KCTD21: variants seen among roughly 807,000 people sequenced by gnomAD.
KCTD21 encodes the protein BTB/POZ domain-containing protein KCTD21.
KCTD21 carries 9 observed loss-of-function variants against 13.2 expected under a neutral mutation model. That is an observed-to-expected ratio of 0.68 (90% CI 0.41 to 1.19). The LOEUF (loss-of-function observed/expected upper bound fraction) is 1.19. Ranked by LOEUF, KCTD21 falls within the 50% of genes most tolerant of loss-of-function variation. The pLI is 0.01. For synonymous variants in KCTD21, 142 were observed against 137.4 expected, an observed-to-expected ratio of 1.03 and a Z score of -0.23; for missense variants, 303 against 336.5, an observed-to-expected ratio of 0.90 and a Z score of 0.78.
At chr11:78,183,416 A>G (rs1862686083) in intron 1 of KCTD21, among the ~76,000 whole-genome samples, 1 of 151,754 alleles carries the variant, frequency 6.6e-6, no homozygotes, top group African/African-American at 2.4e-5. Context: ...TGCGCCTGTT[A>G]TTCCAGCTAC....
rs1862280406 is a variant in KCTD21 at position 78,171,531 on chromosome 11, T to G, written c.*2241A>C. On this transcript the variant is annotated 3_prime_UTR_variant, in exon 2 of 2. Coordinates refer to ENST00000340067, the MANE Select transcript of KCTD21 (RefSeq NM_001029859.3). ...AAAGGGCAGTGGTGATTTGTAAGAT[T>G]TCTTCCTCAAATTGTTTTGTTATGA... 3 of 152,636 alleles carry G rather than the reference T, an allele frequency of 2.0e-5. No homozygotes were observed. The highest frequency in any genetic ancestry group is 2.0e-4 in the Admixed American group (3 of 15,284). The allele number at this position is 152,636 out of a possible 1,614,324, so 9.5% of individuals were successfully genotyped here.
chr11:78,188,154 T>C, intron 1 of KCTD21: 1 of 985,060 alleles, frequency 1.0e-6, no homozygotes, highest in Non-Finnish European at 1.2e-6. Context: ...CGCCCTTCCT[T>C]CCCCAATCTC....
Position 78,174,147 on chromosome 11 carries a change from G to A in KCTD21, c.408C>T (p.Leu136=), listed in dbSNP as rs1862370623. 2.5e-6 allele frequency: 4 copies of A among 1,614,042 alleles called. No individual in the cohort carries two copies. The highest frequency in any genetic ancestry group is 1.6e-4 in the Middle Eastern group (1 of 6,084). ...TVREAPQIYS[L]SSSSMEVFNA... is the part of the protein sequence containing the mutation. ...TGAAGACCTCCATGCTGGAAGAGGAGAGGCTGTAGATCTGGGGTGCCTCGC... is the reference window on the plus strand; with the variant it reads ...TGAAGACCTCCATGCTGGAAGAGGAAAGGCTGTAGATCTGGGGTGCCTCGC... The change falls in exon 2 of 2, where the codon CTC becomes CTT. Residue 136 remains leucine (L), a synonymous_variant. Coordinates refer to ENST00000340067, the MANE Select transcript of KCTD21 (RefSeq NM_001029859.3).
intron 1 of KCTD21, among the ~76,000 whole-genome samples, chr11:78,183,613 A>G (rs1862690799): frequency 6.6e-6 from 1 of 152,068 alleles, no homozygotes; most frequent in Non-Finnish European, 1.5e-5. Flanking sequence ...AGGGAGTGAG[A>G]AAGATAGAGA....
Position 78,171,587 on chromosome 11 carries a change from G to T in KCTD21, c.*2185C>A, listed in dbSNP as rs1862282136. 2 of 152,408 alleles carry T rather than the reference G, an allele frequency of 1.3e-5. No individual in the cohort carries two copies. Among genetic ancestry groups the T allele is most frequent in the Admixed American group, 6.5e-5 (1 of 15,274 alleles). 9.4% of individuals were successfully genotyped at this position (152,408 alleles called of 1,614,324 possible). ...GCTTCTGCTACTTGGTCTAAACTAG[G>T]TTCTCCATGAGGGGCTCTCCCAAGT... is the stretch of plus-strand genomic sequence containing the variant. On this transcript the variant is annotated 3_prime_UTR_variant, in exon 2 of 2. Coordinates refer to ENST00000340067, the MANE Select transcript of KCTD21 (RefSeq NM_001029859.3).
At chr11:78,179,147 T>G (rs908426944) in intron 1 of KCTD21, among the ~76,000 whole-genome samples, 7 of 152,064 alleles carry the variant, frequency 4.6e-5, no homozygotes, top group Admixed American at 4.6e-4. Flanking sequence ...TCACTTTAAT[T>G]CCTGCTTTCA....
intron 1 of KCTD21, chr11:78,187,293 A>C (rs1478962477): frequency 3.0e-6 from 3 of 985,212 alleles, no homozygotes; most frequent in Non-Finnish European, 2.4e-6. Context: ...CCCCACATCA[A>C]AGAGCTGCGT....
At chr11:78,179,987 A>G (rs1332394529) in intron 1 of KCTD21, among the ~76,000 whole-genome samples, 1 of 152,186 alleles carries the variant, frequency 6.6e-6, no homozygotes, top group Non-Finnish European at 1.5e-5. Context: ...CTATCTCAAA[A>G]TGCAGATCAG....
At position 78,174,110 on chromosome 11, in the gene KCTD21, A is replaced by G. The variant is rs1278082331; in HGVS notation, c.445T>C (p.Phe149Leu). Residue 149 changes from phenylalanine to leucine, a missense_variant, in exon 2 of 2, where the codon TTC becomes CTC. Phe to Leu is a conservative substitution (Grantham distance 22). Coordinates refer to ENST00000340067, the MANE Select transcript of KCTD21 (RefSeq NM_001029859.3). ...TTGAGGAAGAGGCAGGAGGTGCTGA[A>G]GATGTTGGCGTTGAAGACCTCCATG... The part of the protein sequence containing the change: ...SSMEVFNANI[F>L]STSCLFLKLL... The G allele has an allele frequency of 6.2e-7, 1 of 1,614,160 alleles. No homozygotes were observed. Among genetic ancestry groups the G allele is most frequent in the Non-Finnish European group, 8.5e-7 (1 of 1,180,046 alleles).
At chr11:78,182,306 C>CG (rs1555082498) in intron 1 of KCTD21, among the ~76,000 whole-genome samples, 3 of 106,638 alleles carry the variant, frequency 2.8e-5, no homozygotes, top group African/African-American at 1.1e-4. Context: ...CACCCCCCCC[C>CG]CCTCAAAATT....
intron 1 of KCTD21, 97 bp downstream of exon 1, chr11:78,188,476 G>C (rs905641543): frequency 4.1e-6 from 4 of 985,294 alleles, no homozygotes; most frequent in Non-Finnish European, 4.8e-6. Context: ...GGCGAGGCTG[G>C]GATAGATTAG....
intron 1 of KCTD21, among the ~76,000 whole-genome samples, chr11:78,179,245 C>T: frequency 6.6e-6 from 1 of 151,608 alleles, no homozygotes; most frequent in Middle Eastern, 3.2e-3. Flanking sequence ...ACCACGTTGG[C>T]CAGGCCGGTC....
At chr11:78,187,147 A>C (rs1393463847) in intron 1 of KCTD21, 1 of 985,324 alleles carries the variant, frequency 1.0e-6, no homozygotes, top group Non-Finnish European at 1.2e-6. Flanking sequence ...TAAATTTCAA[A>C]AAAGACAATG....
rs1862350902 is a variant in KCTD21, at chr11:78,173,677, A to G, written c.*95T>C. The G allele has an allele frequency of 1.0e-6, 1 of 974,738 alleles. No individual in the cohort carries two copies. Among genetic ancestry groups the G allele is most frequent in the African/African-American group, 1.6e-5 (1 of 61,558 alleles). The allele number at this position is 974,738 out of a possible 1,614,324, so 60.4% of individuals were successfully genotyped here. A position where few individuals can be genotyped will look rare whatever the true frequency, so the allele number is the denominator to read the frequency against. Reference sequence around the variant, plus strand: ...CTACACAATTAATACAGATTAGTATAGTCCCCTGCCTCGCACCACTGGCGA... The same window carrying G: ...CTACACAATTAATACAGATTAGTATGGTCCCCTGCCTCGCACCACTGGCGA... On this transcript the variant is annotated 3_prime_UTR_variant, in exon 2 of 2. Coordinates refer to ENST00000340067, the MANE Select transcript of KCTD21 (RefSeq NM_001029859.3).
rs531428355 is a variant in KCTD21 at position 78,172,801 on chromosome 11, T to C, written c.*971A>G. ...GCTGCCTTGGGGATGGCGCGCTTCC[T>C]ATCAGCCAAGGTATGCAAGCAGGCC... On this transcript the variant is annotated 3_prime_UTR_variant, in exon 2 of 2. Transcript: ENST00000340067. 6.6e-6 allele frequency: 1 copy of C among 152,604 alleles called. No individual in the cohort carries two copies. The highest frequency in any genetic ancestry group is 1.9e-4 in the East Asian group (1 of 5,138). The allele number at this position is 152,604 out of a possible 1,614,324, so 9.5% of individuals were successfully genotyped here. A position where few individuals can be genotyped will look rare whatever the true frequency, so the allele number is the denominator to read the frequency against.
Position 78,171,542 on chromosome 11 carries a change from A to G in KCTD21, c.*2230T>C, listed in dbSNP as rs1236654785. Reference sequence around the variant, plus strand: ...GTGATTTGTAAGATTTCTTCCTCAAATTGTTTTGTTATGACCACAGCTTCT... The same window carrying G: ...GTGATTTGTAAGATTTCTTCCTCAAGTTGTTTTGTTATGACCACAGCTTCT... On this transcript the variant is annotated 3_prime_UTR_variant, in exon 2 of 2. Coordinates refer to ENST00000340067, the MANE Select transcript of KCTD21 (RefSeq NM_001029859.3). 1 of 152,594 alleles carries G rather than the reference A, an allele frequency of 6.6e-6. No individual in the cohort carries two copies. The highest frequency in any genetic ancestry group is 1.5e-5 in the Non-Finnish European group (1 of 68,036). 9.5% of individuals were successfully genotyped at this position (152,594 alleles called of 1,614,324 possible). A position where few individuals can be genotyped will look rare whatever the true frequency, so the allele number is the denominator to read the frequency against.
chr11:78,181,494 GC>G (rs1862618428), intron 1 of KCTD21, among the ~76,000 whole-genome samples: 2 of 152,226 alleles, frequency 1.3e-5, no homozygotes, highest in South Asian at 4.1e-4. Flanking sequence ...AATTCTTGGG[GC>G]TGGGTTGGAG....
At position 78,172,493 on chromosome 11, in the gene KCTD21, G is replaced by A. The variant is rs1221781898; in HGVS notation, c.*1279C>T. On this transcript the variant is annotated 3_prime_UTR_variant, in exon 2 of 2. Coordinates refer to ENST00000340067, the MANE Select transcript of KCTD21 (RefSeq NM_001029859.3). ...GGTGGGGAAGGTGGGTGAAGTGGGG[G>A]TCACAAACGAGGTGAAGCTACAACA... The A allele has an allele frequency of 6.6e-6, 1 of 152,198 alleles. No individual in the cohort carries two copies. 9.4% of individuals were successfully genotyped at this position (152,198 alleles called of 1,614,324 possible). A position where few individuals can be genotyped will look rare whatever the true frequency, so the allele number is the denominator to read the frequency against.
chr11:78,182,137 G>C (rs1052723853), intron 1 of KCTD21, among the ~76,000 whole-genome samples: 1 of 152,092 alleles, frequency 6.6e-6, no homozygotes, highest in Admixed American at 6.6e-5. Context: ...CCAGCTGTTG[G>C]CCAGGGCTAA....
Sources: gnomAD v4.1 joint callset for allele counts (sites outside exome capture counted in the v4.1 genomes callset) on GRCh38, gnomAD v4.1.1 for gene constraint, MANE v1.5 for transcripts, NCBI Gene and HGNC (gene_info 2026-07-23, HGNC 2026-07-21) for gene names.